The following IL1RAPL1 variants were observed in gnomAD, a reference collection of about 807,000 sequenced individuals.
IL1RAPL1 encodes interleukin-1 receptor accessory protein-like 1.
A neutral mutation model predicts 48.4 loss-of-function variants in IL1RAPL1; 3 were observed. The observed-to-expected ratio is 0.06, with a 90% CI of 0.03 to 0.16. The LOEUF is 0.16. Ranked by LOEUF, IL1RAPL1 falls within the 10% of genes least tolerant of loss-of-function variation. The pLI is 1.00. For synonymous variants in IL1RAPL1, 185 were observed against 187.7 expected, an observed-to-expected ratio of 0.99 and a Z score of 0.12; for missense variants, 349 against 530.6, an observed-to-expected ratio of 0.66 and a Z score of 3.36.
chrX:29,860,149 A>C (rs1415754620), intron 6 of IL1RAPL1, among the ~76,000 whole-genome samples: 2 of 112,042 alleles, frequency 1.8e-5, no homozygotes, highest in Non-Finnish European at 1.9e-5. Flanking sequence ...TTCTATGTCA[A>C]ATCACCCTCC....
chrX:28,631,141 G>T (rs1441650259), intron 1 of IL1RAPL1, among the ~76,000 whole-genome samples: 1 of 111,797 alleles, frequency 8.9e-6, no homozygotes, highest in Non-Finnish European at 1.9e-5. Flanking sequence ...CATACAGAGT[G>T]TACAGTGGGC....
intron 6 of IL1RAPL1, among the ~76,000 whole-genome samples, chrX:29,877,057 A>G (rs149445572): frequency 0.011 from 1,176 of 111,468 alleles, 13 homozygotes; most frequent in African/African-American, 0.035. Context: ...ATAGTATTAT[A>G]ATTTTTCATT....
intron 2 of IL1RAPL1, among the ~76,000 whole-genome samples, chrX:28,926,278 A>G (rs1419041190): frequency 8.9e-6 from 1 of 112,013 alleles, no homozygotes; most frequent in Non-Finnish European, 1.9e-5. Flanking sequence ...CTGGGATTTT[A>G]TCTATTTTGT....
intron 2 of IL1RAPL1, among the ~76,000 whole-genome samples, chrX:29,175,845 C>CAAAAAAAAAAAAAAAAAAAAAAAAAAAAA (rs58728418): frequency 2.6e-5 from 1 of 37,781 alleles, no homozygotes; most frequent in Non-Finnish European, 4.3e-5. Context: ...GACTCTGTCT[C>CAAAAAAAAAAAAAAAAAAAAAAAAAAAAA]AAAAAAAAAA....
At chrX:29,562,265 G>T (rs1325294494) in intron 5 of IL1RAPL1, among the ~76,000 whole-genome samples, 1 of 108,068 alleles carries the variant, frequency 9.3e-6, no homozygotes, top group East Asian at 2.9e-4. Flanking sequence ...CTCACAAAAT[G>T]CTGCCACCAT....
chrX:29,908,982 C>T (rs1476089953), intron 6 of IL1RAPL1, among the ~76,000 whole-genome samples: 1 of 111,492 alleles, frequency 9.0e-6, no homozygotes, highest in Non-Finnish European at 1.9e-5. Flanking sequence ...TAAACTTTAA[C>T]AATAATAATA....
At chrX:29,944,162 G>A (rs778594190) in intron 9 of IL1RAPL1, among the ~76,000 whole-genome samples, 155 of 111,891 alleles carry the variant, frequency 1.4e-3, no homozygotes, top group African/African-American at 5.0e-3. Flanking sequence ...ACTGTCATCT[G>A]GAATATGTTA....
At chrX:29,297,768 A>G (rs1932471122) in intron 3 of IL1RAPL1, among the ~76,000 whole-genome samples, 1 of 112,359 alleles carries the variant, frequency 8.9e-6, no homozygotes, top group Non-Finnish European at 1.9e-5. Flanking sequence ...AATTTATTAA[A>G]AATATTTTGT....
At chrX:29,722,254 C>T (rs1297657931) in intron 6 of IL1RAPL1, among the ~76,000 whole-genome samples, 1 of 111,994 alleles carries the variant, frequency 8.9e-6, no homozygotes, top group Non-Finnish European at 1.9e-5. Flanking sequence ...TATATTAGCA[C>T]TGCAATACAA....
At chrX:29,823,994 C>T (rs1930677100) in intron 6 of IL1RAPL1, among the ~76,000 whole-genome samples, 2 of 111,529 alleles carry the variant, frequency 1.8e-5, no homozygotes, top group Non-Finnish European at 1.9e-5. Context: ...TCTCACATCC[C>T]CGGATACCCA....
At chrX:29,915,714 C>CT (rs201364121) in intron 6 of IL1RAPL1, among the ~76,000 whole-genome samples, 695 of 54,274 alleles carry the variant, frequency 0.013, 6 homozygotes, top group Non-Finnish European at 0.017. Context: ...TGGTAATATT[C>CT]TTTTTTTTTT....
At chrX:29,531,661 C>T (rs1363097968) in intron 5 of IL1RAPL1, among the ~76,000 whole-genome samples, 2 of 111,951 alleles carry the variant, frequency 1.8e-5, no homozygotes, top group Admixed American at 9.4e-5. Context: ...AATGTATTCT[C>T]ACAGTTTTGG....
chrX:29,803,521 A>G (rs1930164687), intron 6 of IL1RAPL1, among the ~76,000 whole-genome samples: 2 of 99,265 alleles, frequency 2.0e-5, no homozygotes, highest in Non-Finnish European at 4.0e-5. Context: ...ATATGTATAT[A>G]TGTATATATG....
chrX:28,713,352 G>A (rs1054228499), intron 1 of IL1RAPL1, among the ~76,000 whole-genome samples: 2 of 111,024 alleles, frequency 1.8e-5, no homozygotes, highest in Admixed American at 9.7e-5. Context: ...CACCATGCCC[G>A]GCCTATATCT....
chrX:28,888,127 G>A lies in IL1RAPL1; in HGVS notation c.82+98702G>A, dbSNP rs1200785665. Among the ~76,000 whole-genome samples, 3 of 109,968 alleles carry A rather than the reference G, an allele frequency of 2.7e-5. No homozygotes were observed. In the Admixed American group the frequency reaches 2.9e-4, roughly 11 times the overall value. ...GTATCAGTACTGATTAGTGATTTGA[G>A]GCAGAAAACTTGCAAATTAGGCTGG... On this transcript the variant is annotated intron_variant, in intron 2 of 10. Transcript: ENST00000378993.
At chrX:29,083,213 A>G (rs1021642765) in intron 2 of IL1RAPL1, among the ~76,000 whole-genome samples, 3 of 112,030 alleles carry the variant, frequency 2.7e-5, no homozygotes, top group African/African-American at 9.7e-5. Context: ...TTATATTTGT[A>G]TGCTCTGGAG....
chrX:29,796,533 C>A, intron 6 of IL1RAPL1, among the ~76,000 whole-genome samples: 1 of 111,609 alleles, frequency 9.0e-6, no homozygotes, highest in Non-Finnish European at 1.9e-5. Flanking sequence ...ACCCAACAGC[C>A]AATCTATCAT....
At chrX:29,085,014 A>T (rs1927923478) in intron 2 of IL1RAPL1, among the ~76,000 whole-genome samples, 1 of 112,228 alleles carries the variant, frequency 8.9e-6, no homozygotes, top group Non-Finnish European at 1.9e-5. Context: ...TTTAATAAGC[A>T]TATATTGAAA....
chrX:29,038,582 T>C (rs1246755535), intron 2 of IL1RAPL1, among the ~76,000 whole-genome samples: 2 of 111,189 alleles, frequency 1.8e-5, no homozygotes, highest in Non-Finnish European at 3.8e-5. Flanking sequence ...GCTTCTGGAG[T>C]GGGGGCCATT....
Sources: allele counts gnomAD v4.1 joint callset (sites outside exome capture counted in the v4.1 genomes callset), GRCh38; gene constraint gnomAD v4.1.1; transcripts MANE v1.5; gene names NCBI Gene and HGNC (gene_info 2026-07-23, HGNC 2026-07-21).